PPM1H: variants seen among roughly 807,000 people sequenced by gnomAD.
The protein encoded by PPM1H is protein phosphatase 1H.
A neutral mutation model predicts 54.9 loss-of-function variants in PPM1H; 27 were observed. The observed-to-expected ratio is 0.49, with a 90% CI of 0.36 to 0.68. The LOEUF (loss-of-function observed/expected upper bound fraction) is 0.68, where lower values mean the gene tolerates loss of function less well. Among genes scored for constraint, PPM1H ranks in the 30% least tolerant of loss-of-function variants. PPM1H has a pLI of 0.00. For missense variants in PPM1H, 596 were observed against 667.8 expected, an observed-to-expected ratio of 0.89 and a Z score of 1.19; for synonymous variants, 305 against 270.8, an observed-to-expected ratio of 1.13 and a Z score of -1.24.
rs901404285 is a variant in PPM1H, at chr12:62,645,767, A to G, written c.*2722T>C. Reference sequence around the variant, plus strand: ...AATCAAAAGGTTTTTATTAAACAAGACTTCCTCTGAGGCTATTCGAGCAAG... The same window carrying G: ...AATCAAAAGGTTTTTATTAAACAAGGCTTCCTCTGAGGCTATTCGAGCAAG... On this transcript the variant is annotated 3_prime_UTR_variant, in exon 10 of 10. Transcript: ENST00000228705. 1 of 152,196 alleles carries G rather than the reference A, an allele frequency of 6.6e-6. No homozygotes were observed. Among genetic ancestry groups the G allele is most frequent in the East Asian group, 1.9e-4 (1 of 5,192 alleles). 9.4% of individuals were successfully genotyped at this position (152,196 alleles called of 1,614,324 possible). A position where few individuals can be genotyped will look rare whatever the true frequency, so the allele number is the denominator to read the frequency against.
chr12:62,871,083 T>C (rs892474321), intron 1 of PPM1H, among the ~76,000 whole-genome samples: 3 of 152,138 alleles, frequency 2.0e-5, no homozygotes, highest in Admixed American at 6.5e-5. Flanking sequence ...ACTGAAAACA[T>C]GTTCACACAA....
intron 2 of PPM1H, among the ~76,000 whole-genome samples, chr12:62,802,566 C>T (rs1321882877): frequency 1.9e-5 from 2 of 103,010 alleles, no homozygotes; most frequent in South Asian, 3.3e-4. Context: ...CCTTAACTCC[C>T]GTCTTTTTTT....
At chr12:62,740,224 A>C (rs2076373771) in intron 4 of PPM1H, among the ~76,000 whole-genome samples, 2 of 150,774 alleles carry the variant, frequency 1.3e-5, no homozygotes, top group Non-Finnish European at 3.0e-5. Flanking sequence ...GATCCCTCAA[A>C]CAGAGGTAAA....
rs141974360 is a variant in PPM1H at position 62,709,216 on chromosome 12, A to C, written c.1073+10955T>G. Among the ~76,000 whole-genome samples, 354 of 152,254 alleles carry C rather than the reference A, an allele frequency of 2.3e-3. 4 individuals carry two copies. The highest frequency in any genetic ancestry group is 8.1e-3 in the African/African-American group (337 of 41,530). ...CTGCACACGAAGGGCTAAAACATTGAAACGTTCCATGCTAGTCAGCAAACA... is the reference window on the plus strand; with the variant it reads ...CTGCACACGAAGGGCTAAAACATTGCAACGTTCCATGCTAGTCAGCAAACA... On this transcript the variant is annotated intron_variant, in intron 6 of 9. Coordinates refer to ENST00000228705, the MANE Select transcript of PPM1H (RefSeq NM_020700.2).
chr12:62,773,844 C>G (rs915911474), intron 4 of PPM1H, among the ~76,000 whole-genome samples: 10 of 152,192 alleles, frequency 6.6e-5, no homozygotes, highest in Admixed American at 5.2e-4. Context: ...TGCTGAAGCA[C>G]AGCTCTCAGG....
chr12:62,681,715 C>T (rs1054285251), intron 8 of PPM1H, among the ~76,000 whole-genome samples: 3 of 152,174 alleles, frequency 2.0e-5, no homozygotes, highest in Admixed American at 2.0e-4. Flanking sequence ...GAAACACATG[C>T]TTTATGGCTC....
chr12:62,847,227 T>C (rs1031342488), intron 1 of PPM1H, among the ~76,000 whole-genome samples: 1 of 152,140 alleles, frequency 6.6e-6, no homozygotes, highest in African/African-American at 2.4e-5. Context: ...ATGTTGGAAA[T>C]AGAATCTCAA....
intron 4 of PPM1H, among the ~76,000 whole-genome samples, chr12:62,786,116 G>A (rs144482742): frequency 2.8e-3 from 431 of 152,296 alleles, no homozygotes; most frequent in African/African-American, 9.9e-3. Context: ...GCTTTAAAAG[G>A]TGAACGTGAG....
chr12:62,855,549 AG>A (rs1466588229), intron 1 of PPM1H, among the ~76,000 whole-genome samples: 1 of 152,222 alleles, frequency 6.6e-6, no homozygotes, highest in African/African-American at 2.4e-5. Context: ...ATGACTTCTT[AG>A]GACCCAACAT....
In PPM1H at chr12:62,844,823, G is replaced by C. The variant is rs1256812730; in HGVS notation, c.246-12544C>G. 6.6e-6 allele frequency among the ~76,000 whole-genome samples: 1 copy of C among 152,182 alleles called. No homozygotes were observed. Among genetic ancestry groups the C allele is most frequent in the Non-Finnish European group, 1.5e-5 (1 of 68,038 alleles). On this transcript the variant is annotated intron_variant, in intron 1 of 9. Coordinates refer to ENST00000228705, the MANE Select transcript of PPM1H (RefSeq NM_020700.2). The surrounding 1 kb of genome is among the most constrained non-coding windows in gnomAD (Gnocchi z 5.2). The stretch of plus-strand genomic sequence containing the variant: ...GACTAGAATAATGACGGTGTTCTAA[G>C]CCTGCCTATATATTTCTTAAAGCTT...
At chr12:62,823,246 T>A (rs1389509787) in intron 2 of PPM1H, among the ~76,000 whole-genome samples, 1 of 152,124 alleles carries the variant, frequency 6.6e-6, no homozygotes, top group East Asian at 1.9e-4. Context: ...ATTGAGGCAA[T>A]AATTAACATC....
At chr12:62,838,679 T>C (rs1868592472) in intron 1 of PPM1H, among the ~76,000 whole-genome samples, 1 of 102,402 alleles carries the variant, frequency 9.8e-6, no homozygotes, top group East Asian at 2.8e-4. Context: ...CCCAGCACTT[T>C]GGGAGGCCGA....
chr12:62,911,005 A>C (rs1800738731), intron 1 of PPM1H, among the ~76,000 whole-genome samples: 1 of 152,244 alleles, frequency 6.6e-6, no homozygotes, highest in East Asian at 1.9e-4. Context: ...ACTGGGAACA[A>C]AAACAAGAGA....
intron 4 of PPM1H, among the ~76,000 whole-genome samples, chr12:62,787,134 T>C (rs934207028): frequency 2.0e-5 from 3 of 152,008 alleles, no homozygotes; most frequent in Non-Finnish European, 2.9e-5. Context: ...GGAAGTAAAA[T>C]TAAGGTGAAT....
chr12:62,813,646 G>A (rs190209652), intron 2 of PPM1H, among the ~76,000 whole-genome samples: 1 of 152,316 alleles, frequency 6.6e-6, no homozygotes, highest in East Asian at 1.9e-4. Flanking sequence ...ACATGTCAGA[G>A]CTGGCACTTG....
intron 6 of PPM1H, among the ~76,000 whole-genome samples, chr12:62,703,143 G>A (rs1199422108): frequency 6.6e-6 from 1 of 152,196 alleles, no homozygotes; most frequent in African/African-American, 2.4e-5. Flanking sequence ...GCAACCGTAA[G>A]CAGGAAGACA....
chr12:62,860,973 T>TA (rs1336142838), intron 1 of PPM1H, among the ~76,000 whole-genome samples: 1 of 152,162 alleles, frequency 6.6e-6, no homozygotes, highest in African/African-American at 2.4e-5. Context: ...TCAACACTCC[T>TA]ATGTGGCAGG....
At chr12:62,758,118 C>T (rs2076486465) in intron 4 of PPM1H, among the ~76,000 whole-genome samples, 1 of 152,202 alleles carries the variant, frequency 6.6e-6, no homozygotes, top group African/African-American at 2.4e-5. Context: ...ATTACAATTA[C>T]TTTCCTTCAA....
chr12:62,752,261 C>T (rs1005700532), intron 4 of PPM1H, among the ~76,000 whole-genome samples: 26 of 152,100 alleles, frequency 1.7e-4, no homozygotes, highest in Non-Finnish European at 2.8e-4. Flanking sequence ...ATTAAACTCA[C>T]ATATAAGAGT....
Sources: gnomAD v4.1 joint callset for allele counts (sites outside exome capture counted in the v4.1 genomes callset) on GRCh38, gnomAD v4.1.1 for gene constraint, Gnocchi (gnomAD v3.1) non-coding constraint, MANE v1.5 for transcripts, NCBI Gene and HGNC (gene_info 2026-07-23, HGNC 2026-07-21) for gene names.